The following TMEM132D variants were observed in gnomAD, a reference collection of about 807,000 sequenced individuals.
The protein encoded by TMEM132D is mature OL transmembrane protein.
TMEM132D carries 21 observed loss-of-function variants against 62.3 expected under a neutral mutation model. The ratio of observed to expected loss-of-function variants is 0.34; its 90% CI spans 0.24 to 0.49. The LOEUF is 0.49. Among genes scored for constraint, TMEM132D ranks in the 20% least tolerant of loss-of-function variants. The probability of loss-of-function intolerance (pLI) is 0.99; values close to 1 mark genes in which losing one functional copy is unlikely to be tolerated. For synonymous variants in TMEM132D, 621 were observed against 575.6 expected (o/e 1.08, Z -1.13); for missense variants, 1,346 against 1,402.8 (o/e 0.96, Z 0.65).
At chr12:129,489,898 A>T (rs1039376755) in intron 3 of TMEM132D, among the ~76,000 whole-genome samples, 2 of 152,340 alleles carry the variant, frequency 1.3e-5, no homozygotes, top group African/African-American at 4.8e-5. Flanking sequence ...GAGGAAAGAG[A>T]CTAAGCTCTC....
At chr12:129,529,662 T>C (rs1021539249) in intron 3 of TMEM132D, among the ~76,000 whole-genome samples, 2 of 152,222 alleles carry the variant, frequency 1.3e-5, no homozygotes, top group African/African-American at 2.4e-5. Flanking sequence ...AAATTTATTA[T>C]TTTCTTCTGA....
At chr12:129,734,611 A>T (rs1217153180) in intron 1 of TMEM132D, among the ~76,000 whole-genome samples, 2 of 152,216 alleles carry the variant, frequency 1.3e-5, no homozygotes, top group Middle Eastern at 3.2e-3. Context: ...TGCCCAACTG[A>T]GGTCTTATAT....
At chr12:129,333,565 G>T (rs576382037) in intron 4 of TMEM132D, among the ~76,000 whole-genome samples, 13 of 152,272 alleles carry the variant, frequency 8.5e-5, no homozygotes, top group Admixed American at 6.5e-4. Context: ...TGTCTTCTAA[G>T]GCGGACGCTG....
At chr12:129,186,274 T>C (rs1878220108) in intron 5 of TMEM132D, among the ~76,000 whole-genome samples, 1 of 152,226 alleles carries the variant, frequency 6.6e-6, no homozygotes. Context: ...CCTGTGTAAC[T>C]TATCCAGGTT....
At chr12:129,427,121 A>G (rs1176528897) in intron 3 of TMEM132D, among the ~76,000 whole-genome samples, 1 of 152,228 alleles carries the variant, frequency 6.6e-6, no homozygotes, top group Non-Finnish European at 1.5e-5. Flanking sequence ...GTGCTCAAAT[A>G]TACTCTTGTT....
intron 1 of TMEM132D, among the ~76,000 whole-genome samples, chr12:129,781,165 T>C (rs957204073): frequency 6.6e-6 from 1 of 152,220 alleles, no homozygotes; most frequent in African/African-American, 2.4e-5. Context: ...TTAATGATTG[T>C]ACAGATGCTA....
intron 3 of TMEM132D, among the ~76,000 whole-genome samples, chr12:129,356,924 G>GGAGAA (rs1870077427): frequency 7.3e-6 from 1 of 137,828 alleles, no homozygotes; most frequent in African/African-American, 2.8e-5. Flanking sequence ...GGAAAGGAGA[G>GGAGAA]GAGAGGAGAG....
chr12:129,504,425 G>A (rs754968045), intron 3 of TMEM132D, among the ~76,000 whole-genome samples: 23 of 152,094 alleles, frequency 1.5e-4, no homozygotes, highest in Non-Finnish European at 2.6e-4. Context: ...CTTGCTGCTT[G>A]TTATTGGTCT....
At chr12:129,800,319 G>A (rs1871723357) in intron 1 of TMEM132D, among the ~76,000 whole-genome samples, 1 of 151,936 alleles carries the variant, frequency 6.6e-6, no homozygotes, top group South Asian at 2.1e-4. Flanking sequence ...GCTTAAGGAG[G>A]TGCGGGCAGA....
chr12:129,307,463 T>A (rs1881871232), intron 4 of TMEM132D, among the ~76,000 whole-genome samples: 1 of 152,110 alleles, frequency 6.6e-6, no homozygotes, highest in Admixed American at 6.6e-5. Flanking sequence ...TTAAATGGAG[T>A]TTAAAACCTT....
rs149735363 is a variant in TMEM132D, at chr12:129,738,868, G to A, written c.80-38170C>T. ...TTTATCTGTAGAAGACAAACAATAC[G>A]TGTCTTCTACACGTACATTATACCC... On this transcript the variant is annotated intron_variant, in intron 1 of 8. Transcript: ENST00000422113. Among the ~76,000 whole-genome samples, 219 of 152,174 alleles carry A rather than the reference G, an allele frequency of 1.4e-3. No individual in the cohort carries two copies. The East Asian group carries it at 0.022, about 15-fold the overall frequency.
chr12:129,371,665 G>T lies in TMEM132D; in HGVS notation c.1116-33848C>A, dbSNP rs1018013458. Among the ~76,000 whole-genome samples the T allele has an allele frequency of 7.2e-5, 11 of 151,788 alleles. No individual in the cohort carries two copies. The highest frequency in any genetic ancestry group is 2.7e-4 in the African/African-American group (11 of 41,338). On this transcript the variant is annotated intron_variant, in intron 3 of 8. Coordinates refer to ENST00000422113, the MANE Select transcript of TMEM132D (RefSeq NM_133448.3). This position sits in a 1 kb window ranked among gnomAD's most constrained non-coding sequence, Gnocchi z 4.3. ...GGTGGTGATGGTGATGGTTATGATG[G>T]TGTGGATGATGATGATGGTGACAAT... is the stretch of plus-strand genomic sequence containing the variant.
chr12:129,451,717 G>A (rs1415126506), intron 3 of TMEM132D, among the ~76,000 whole-genome samples: 1 of 152,198 alleles, frequency 6.6e-6, no homozygotes, highest in Non-Finnish European at 1.5e-5. Context: ...AGACAGCCAG[G>A]ACTGATATGG....
intron 1 of TMEM132D, among the ~76,000 whole-genome samples, chr12:129,809,940 T>C (rs1872118441): frequency 6.6e-6 from 1 of 152,132 alleles, no homozygotes; most frequent in African/African-American, 2.4e-5. Context: ...GGAAAAGACA[T>C]GACTAAAATG....
At chr12:129,166,776 C>CAT (rs59414458) in intron 5 of TMEM132D, among the ~76,000 whole-genome samples, 14 of 95,482 alleles carry the variant, frequency 1.5e-4, no homozygotes, top group African/African-American at 4.0e-4. Context: ...TATATATATA[C>CAT]ATATATATAT....
chr12:129,825,026 T>TC (rs1565998935), intron 1 of TMEM132D, among the ~76,000 whole-genome samples: 18 of 149,406 alleles, frequency 1.2e-4, no homozygotes, highest in African/African-American at 4.2e-4. Flanking sequence ...TTTTTTTTTT[T>TC]TCCCTGAGAT....
At chr12:129,157,102 A>G (rs1877269880) in intron 5 of TMEM132D, among the ~76,000 whole-genome samples, 1 of 152,114 alleles carries the variant, frequency 6.6e-6, no homozygotes, top group Non-Finnish European at 1.5e-5. Flanking sequence ...CCCACTCCAG[A>G]GATAACTATC....
chr12:129,443,564 C>T (rs1873002468), intron 3 of TMEM132D, among the ~76,000 whole-genome samples: 1 of 152,196 alleles, frequency 6.6e-6, no homozygotes, highest in Non-Finnish European at 1.5e-5. Flanking sequence ...GGCTCCAGTT[C>T]TGGCTCTCCC....
At chr12:129,148,677 G>T (rs781453811) in intron 5 of TMEM132D, among the ~76,000 whole-genome samples, 57 of 152,302 alleles carry the variant, frequency 3.7e-4, no homozygotes, top group Admixed American at 7.8e-4. Flanking sequence ...AAGCCAGCCT[G>T]TGTGTGGTTA....
Sources: gnomAD v4.1 joint callset for allele counts (sites outside exome capture counted in the v4.1 genomes callset) on GRCh38, gnomAD v4.1.1 for gene constraint, Gnocchi (gnomAD v3.1) non-coding constraint, MANE v1.5 for transcripts, NCBI Gene and HGNC (gene_info 2026-07-23, HGNC 2026-07-21) for gene names.